IRF2: variants seen among roughly 807,000 people sequenced by gnomAD.
IRF2 encodes the protein interferon regulatory factor 2.
Under a neutral mutation model 40.6 loss-of-function variants are expected in IRF2, and 15 were observed. The observed-to-expected ratio is 0.37, with a 90% confidence interval of 0.25 to 0.57. The LOEUF (loss-of-function observed/expected upper bound fraction) is 0.57. IRF2 is among the 20% of genes least tolerant of loss of function. IRF2 has a pLI of 0.77. For synonymous variants in IRF2, 151 were observed against 165.5 expected, an observed-to-expected ratio of 0.91 and a Z score of 0.67; for missense variants, 317 against 455.7, an observed-to-expected ratio of 0.70 and a Z score of 2.77.
At position 184,390,207 on chromosome 4, in the gene IRF2, C is replaced by A. The variant is rs183832002; in HGVS notation, c.741+496G>T. On this transcript the variant is annotated intron_variant, in intron 8 of 8. Transcript: ENST00000393593. ...CTTTCTGCCATTGTGCACGCCCCAT[C>A]TATGGGAGGGAGAGGGGACGGGACC... 1.9e-3 allele frequency among the ~76,000 whole-genome samples: 286 copies of A among 152,306 alleles called. 1 individual carries two copies. Among genetic ancestry groups the A allele is most frequent in the African/African-American group, 6.0e-3 (250 of 41,558 alleles).
chr4:184,457,043 C>T (rs1054740032), intron 1 of IRF2, among the ~76,000 whole-genome samples: 1 of 152,220 alleles, frequency 6.6e-6, no homozygotes, highest in African/African-American at 2.4e-5. Context: ...TCTGTAGCTG[C>T]GTCGGATGAA....
chr4:184,390,349 T>C (rs376929207), intron 8 of IRF2, among the ~76,000 whole-genome samples: 41 of 152,336 alleles, frequency 2.7e-4, no homozygotes, highest in African/African-American at 9.6e-4. Context: ...TACTGGTCAC[T>C]GCTTTTGGCT....
intron 1 of IRF2, among the ~76,000 whole-genome samples, chr4:184,445,490 C>T (rs2149910782): frequency 6.6e-6 from 1 of 152,144 alleles, no homozygotes; most frequent in Non-Finnish European, 1.5e-5. Context: ...CCCATCTCTA[C>T]TAAAATTTAT....
chr4:184,407,284 C>A, intron 6 of IRF2: 1 of 1,253,982 alleles, frequency 8.0e-7, no homozygotes, highest in South Asian at 1.3e-5. Flanking sequence ...AAATTCAATG[C>A]TGAAAGAAAG....
intron 1 of IRF2, among the ~76,000 whole-genome samples, chr4:184,441,456 C>T (rs1206110590): frequency 1.3e-5 from 2 of 152,198 alleles, no homozygotes; most frequent in Non-Finnish European, 2.9e-5. Flanking sequence ...TCGTGACACC[C>T]CTGTAATGTT....
intron 2 of IRF2, among the ~76,000 whole-genome samples, chr4:184,421,708 T>C (rs889870848): frequency 6.6e-6 from 1 of 152,078 alleles, no homozygotes; most frequent in Non-Finnish European, 1.5e-5. Context: ...TTTTTAAGCA[T>C]CTGCACGCAT....
intron 5 of IRF2, among the ~76,000 whole-genome samples, chr4:184,416,342 A>ATG (rs1396362475): frequency 4.6e-5 from 7 of 150,986 alleles, no homozygotes; most frequent in African/African-American, 1.7e-4. Flanking sequence ...AAAAAAAAAA[A>ATG]ACGAAAAAAA....
At chr4:184,438,458 G>A (rs1156518218) in intron 1 of IRF2, among the ~76,000 whole-genome samples, 5 of 152,304 alleles carry the variant, frequency 3.3e-5, no homozygotes, top group South Asian at 2.1e-4. Context: ...TTTATGAAAC[G>A]TTTGCTTCCA....
chr4:184,402,899 A>T (rs1450232697), intron 6 of IRF2, among the ~76,000 whole-genome samples: 1 of 152,170 alleles, frequency 6.6e-6, no homozygotes, highest in Non-Finnish European at 1.5e-5. Flanking sequence ...GTGTGCCTTA[A>T]AAGGGGTGAA....
At chr4:184,460,698 TGCACAC>T (rs1739112717) in intron 1 of IRF2, among the ~76,000 whole-genome samples, 1 of 147,494 alleles carries the variant, frequency 6.8e-6, no homozygotes, top group Non-Finnish European at 1.5e-5. Flanking sequence ...CACACACACA[TGCACAC>T]GCACACACAC....
intron 1 of IRF2, among the ~76,000 whole-genome samples, chr4:184,450,782 T>C (rs1270520953): frequency 1.4e-5 from 2 of 139,122 alleles, no homozygotes; most frequent in African/African-American, 4.9e-5. Flanking sequence ...AAATATTTGA[T>C]TTAAAAACTA....
intron 1 of IRF2, among the ~76,000 whole-genome samples, chr4:184,447,011 A>G (rs1738536850): frequency 1.3e-5 from 2 of 152,204 alleles, no homozygotes; most frequent in Non-Finnish European, 1.5e-5. Context: ...TAATACACAT[A>G]TTCTCTAACC....
At chr4:184,417,156 A>T (rs58176528) in intron 5 of IRF2, among the ~76,000 whole-genome samples, 8,597 of 152,222 alleles carry the variant, frequency 0.056, 597 homozygotes, top group East Asian at 0.21. Context: ...GATGAAGCAA[A>T]ACTGGCCAGG....
At chr4:184,461,660 T>C (rs1242463998) in intron 1 of IRF2, among the ~76,000 whole-genome samples, 2 of 151,818 alleles carry the variant, frequency 1.3e-5, no homozygotes, top group African/African-American at 4.8e-5. Context: ...GTCAACGGTT[T>C]CAGCTGAGCA....
intron 1 of IRF2, among the ~76,000 whole-genome samples, chr4:184,446,950 C>T (rs1235298412): frequency 3.3e-5 from 5 of 151,262 alleles, no homozygotes; most frequent in Admixed American, 2.0e-4. Flanking sequence ...AGCAAGACTC[C>T]GTCTCAAAAA....
At chr4:184,420,080 C>T (rs989279295) in intron 2 of IRF2, among the ~76,000 whole-genome samples, 1 of 152,162 alleles carries the variant, frequency 6.6e-6, no homozygotes, top group East Asian at 1.9e-4. Flanking sequence ...GCTGGCCAGG[C>T]TGGTCTCGAA....
intron 2 of IRF2, among the ~76,000 whole-genome samples, chr4:184,422,860 T>G (rs577332987): frequency 6.6e-6 from 1 of 152,266 alleles, no homozygotes; most frequent in South Asian, 2.1e-4. Context: ...TTTGGAGGGA[T>G]AAAAAGTTCT....
chr4:184,410,722 T>C (rs1283583429), intron 5 of IRF2, among the ~76,000 whole-genome samples: 2 of 152,248 alleles, frequency 1.3e-5, no homozygotes, highest in Admixed American at 6.5e-5. Flanking sequence ...AGGTTTCTTA[T>C]AAAAGTAATG....
At chr4:184,458,967 A>AT (rs576699513) in intron 1 of IRF2, among the ~76,000 whole-genome samples, 8 of 147,800 alleles carry the variant, frequency 5.4e-5, no homozygotes, top group South Asian at 2.1e-4. Flanking sequence ...TTACGGCAAT[A>AT]TTTTTTTTTC....
Sources: allele counts gnomAD v4.1 joint callset (sites outside exome capture counted in the v4.1 genomes callset), GRCh38; gene constraint gnomAD v4.1.1; transcripts MANE v1.5; gene names NCBI Gene and HGNC (gene_info 2026-07-23, HGNC 2026-07-21).